The following GLI2 variants were observed in gnomAD, a reference collection of about 807,000 sequenced individuals.
GLI2 encodes transcription activator GLI2.
Under a neutral mutation model 78.9 loss-of-function variants are expected in GLI2, and 22 were observed. The ratio of observed to expected loss-of-function variants is 0.28; its 90% CI spans 0.20 to 0.40. The LOEUF is 0.40. GLI2 is among the 10% of genes least tolerant of loss of function. GLI2 has a pLI of 1.00. For missense variants in GLI2, 2,097 were observed against 2,213.2 expected, an observed-to-expected ratio of 0.95 and a Z score of 1.05; for synonymous variants, 974 against 963.7, an observed-to-expected ratio of 1.01 and a Z score of -0.20.
intron 1 of GLI2, among the ~76,000 whole-genome samples, chr2:120,786,182 A>G (rs1418112397): frequency 1.3e-5 from 2 of 152,220 alleles, no homozygotes; most frequent in African/African-American, 2.4e-5. Flanking sequence ...GCCCATCGCC[A>G]GGTTCTGAGG....
At chr2:120,982,983 C>T (rs1017335816) in intron 11 of GLI2, 103 bp downstream of exon 11, 167 of 1,045,858 alleles carry the variant, frequency 1.6e-4, no homozygotes, top group Non-Finnish European at 2.2e-4. Context: ...TGCCCCATGT[C>T]CCGCCCCCGC....
intron 1 of GLI2, among the ~76,000 whole-genome samples, chr2:120,787,246 G>A (rs1440053693): frequency 6.6e-6 from 1 of 152,218 alleles, no homozygotes; most frequent in Non-Finnish European, 1.5e-5. Flanking sequence ...GGTGGAATGG[G>A]GGTGGGGCAG....
rs565591403 is a variant in GLI2, at chr2:120,974,773, C to T, written c.1183-202C>T. ...GAGTTGAGGAAAGGAGCTAAAAAGG[C>T]TGATGAGTGTGTGTGTGTGTGTGTG... On this transcript the variant is annotated intron_variant, in intron 8 of 13. Transcript: ENST00000361492. 17 of 720,122 alleles carry T rather than the reference C, an allele frequency of 2.4e-5. No homozygotes were observed. The Admixed American group carries it at 3.5e-4, about 15-fold the overall frequency. 44.6% of individuals were successfully genotyped at this position (720,122 alleles called of 1,614,324 possible).
intron 7 of GLI2, 107 bp downstream of exon 7, chr2:120,970,713 C>T (rs1225724562): frequency 7.4e-6 from 7 of 948,164 alleles, no homozygotes; most frequent in East Asian, 5.2e-5. Context: ...TCTGGATTTA[C>T]GTCTGGCCGC....
intron 1 of GLI2, among the ~76,000 whole-genome samples, chr2:120,772,707 A>T (rs1683559188): frequency 6.6e-6 from 1 of 152,264 alleles, no homozygotes; most frequent in Non-Finnish European, 1.5e-5. Flanking sequence ...AATTATAAAC[A>T]ATTTGTGCTC....
chr2:120,908,035 C>T (rs568913140), intron 2 of GLI2, among the ~76,000 whole-genome samples: 2 of 152,304 alleles, frequency 1.3e-5, no homozygotes, highest in South Asian at 4.1e-4. Context: ...CCTCAGGAGC[C>T]CTGGTGTGGA....
chr2:120,844,484 C>T (rs565610189), intron 2 of GLI2, among the ~76,000 whole-genome samples: 1 of 152,304 alleles, frequency 6.6e-6, no homozygotes, highest in South Asian at 2.1e-4. Context: ...TGTCACTTTG[C>T]TGGCTGGGAA....
At chr2:120,871,933 A>G (rs1458725844) in intron 2 of GLI2, among the ~76,000 whole-genome samples, 1 of 152,188 alleles carries the variant, frequency 6.6e-6, no homozygotes, top group Non-Finnish European at 1.5e-5. Flanking sequence ...ATCAGCTGAG[A>G]GTTGTGGCCC....
chr2:120,968,175 A>T (rs1184673073), intron 5 of GLI2, among the ~76,000 whole-genome samples: 1 of 152,204 alleles, frequency 6.6e-6, no homozygotes, highest in African/African-American at 2.4e-5. Context: ...ATGAAAGAGT[A>T]TTTAAAAATT....
At chr2:120,736,680 C>T (rs540208102) in intron 1 of GLI2, among the ~76,000 whole-genome samples, 1 of 152,008 alleles carries the variant, frequency 6.6e-6, no homozygotes, top group African/African-American at 2.4e-5. Flanking sequence ...CCGAAGCTGC[C>T]GTAGGTGGGC....
intron 2 of GLI2, among the ~76,000 whole-genome samples, chr2:120,831,467 G>A (rs796969377): frequency 1.3e-5 from 2 of 152,356 alleles, no homozygotes; most frequent in African/African-American, 4.8e-5. Flanking sequence ...AGGCCAGAGG[G>A]CACCTGTGTT....
At chr2:120,769,928 C>A (rs1431629508) in intron 1 of GLI2, among the ~76,000 whole-genome samples, 1 of 152,074 alleles carries the variant, frequency 6.6e-6, no homozygotes, top group Non-Finnish European at 1.5e-5. Flanking sequence ...TAGAAGGCAG[C>A]ATGACTGGAT....
intron 2 of GLI2, among the ~76,000 whole-genome samples, chr2:120,923,436 TAC>T (rs1679497338): frequency 6.6e-6 from 1 of 151,772 alleles, no homozygotes; most frequent in South Asian, 2.1e-4. Context: ...CACATGTATA[TAC>T]ACACAGCAAC....
chr2:120,954,482 C>A (rs1368828005), intron 4 of GLI2, among the ~76,000 whole-genome samples: 2 of 152,116 alleles, frequency 1.3e-5, no homozygotes, highest in South Asian at 2.1e-4. Flanking sequence ...TAAGAGAGCT[C>A]TTTTGGAATT....
chr2:120,974,792 G>A, intron 8 of GLI2, 183 bp from the exon 9 acceptor site: 1 of 782,114 alleles, frequency 1.3e-6, no homozygotes, highest in Non-Finnish European at 2.2e-6. Flanking sequence ...GTGTGTGTGT[G>A]TGTGTGTGTG....
At chr2:120,945,275 G>A (rs946804834) in intron 3 of GLI2, among the ~76,000 whole-genome samples, 5 of 152,346 alleles carry the variant, frequency 3.3e-5, no homozygotes, top group South Asian at 2.1e-4. Flanking sequence ...TCGCTAACAT[G>A]TGCACAGCAC....
At chr2:120,948,926 C>T (rs1308807831) in intron 3 of GLI2, among the ~76,000 whole-genome samples, 2 of 152,136 alleles carry the variant, frequency 1.3e-5, no homozygotes, top group African/African-American at 2.4e-5. Context: ...CAGAAGGCAC[C>T]TTAGCTATTC....
At chr2:120,769,776 T>A (rs1405638498) in intron 1 of GLI2, among the ~76,000 whole-genome samples, 4 of 152,158 alleles carry the variant, frequency 2.6e-5, no homozygotes, top group Non-Finnish European at 5.9e-5. Context: ...TGAGTGTGCA[T>A]GTGTTTGGGA....
chr2:120,883,895 CCCTT>C (rs1243727048), intron 2 of GLI2, among the ~76,000 whole-genome samples: 2 of 152,262 alleles, frequency 1.3e-5, no homozygotes, highest in Admixed American at 6.5e-5. Flanking sequence ...ACGGGGGACT[CCCTT>C]CCAAGGAAAA....
Sources: allele counts gnomAD v4.1 joint callset (sites outside exome capture counted in the v4.1 genomes callset), GRCh38; gene constraint gnomAD v4.1.1; transcripts MANE v1.5; gene names NCBI Gene and HGNC (gene_info 2026-07-23, HGNC 2026-07-21).